HCN2: variants seen among roughly 807,000 people sequenced by gnomAD.
HCN2 encodes the protein hyperpolarization activated cyclic nucleotide gated potassium and sodium channel 2, also known as potassium/sodium hyperpolarization-activated cyclic nucleotide-gated channel 2.
HCN2 carries 20 observed loss-of-function variants against 52.3 expected under a neutral mutation model. That is an observed-to-expected ratio of 0.38 (90% CI 0.27 to 0.56). HCN2 has a LOEUF of 0.56. Ranked by LOEUF, HCN2 falls within the 20% of genes least tolerant of loss-of-function variation. The probability of loss-of-function intolerance (pLI) is 0.71; values close to 1 mark genes in which losing one functional copy is unlikely to be tolerated. For missense variants in HCN2, 981 were observed against 1,207.7 expected (o/e 0.81, Z 2.78); for synonymous variants, 694 against 537.0 (o/e 1.29, Z -4.04).
chr19:604,192 T>C lies in HCN2; in HGVS notation c.1056+225T>C, dbSNP rs1600526023. ...GGGATGGGGCTATGAGAGATCTGAG[T>C]GGGGTCAAGGCCCCAGGGATGGGGC... On this transcript the variant is annotated intron_variant, in intron 2 of 7. Coordinates refer to ENST00000251287, the MANE Select transcript of HCN2 (RefSeq NM_001194.4). 9.4e-5 allele frequency among the ~76,000 whole-genome samples: 2 copies of C among 21,248 alleles called. 1 individual carries two copies. Among genetic ancestry groups the C allele is most frequent in the Admixed American group, 1.5e-3 (2 of 1,298 alleles). 13.9% of individuals were successfully genotyped at this position (21,248 alleles called of 152,430 possible).
rs1331776955 is a variant in HCN2 at position 590,782 on chromosome 19, G to A, written c.632+205G>A. 1.9e-5 allele frequency: 6 copies of A among 312,424 alleles called. No homozygotes were observed. Among genetic ancestry groups the A allele is most frequent in the Non-Finnish European group, 2.3e-5 (4 of 173,206 alleles). 19.4% of individuals were successfully genotyped at this position (312,424 alleles called of 1,614,324 possible). On this transcript the variant is annotated intron_variant, in intron 1 of 7. Transcript: ENST00000251287. The surrounding 1 kb of genome is among the most constrained non-coding windows in gnomAD (Gnocchi z 7.2). ...CCGCCTCTGGGGGGGCTCCCCGGGT[G>A]ACCGCGGAGCGCCCCCCTCCCACGC...
rs987654819 is a variant in HCN2, at chr19:616,494, G to A, written c.*20G>A. ...TTGTGACCCTCGCCGACCGCCCCGC[G>A]GGCCCAGGCGGGCCGGGGGCGGGGC... On this transcript the variant is annotated 3_prime_UTR_variant, in exon 8 of 8. Transcript: ENST00000251287. The A allele has an allele frequency of 3.3e-6, 4 of 1,204,208 alleles. No individual in the cohort carries two copies. Among genetic ancestry groups the A allele is most frequent in the Non-Finnish European group, 4.1e-6 (4 of 966,820 alleles). The allele number at this position is 1,204,208 out of a possible 1,614,324, so 74.6% of individuals were successfully genotyped here.
Position 616,166 on chromosome 19 carries a change from C to G in HCN2, c.2362C>G (p.Arg788Gly), listed in dbSNP as rs1384533439. 2 of 972,306 alleles carry G rather than the reference C, an allele frequency of 2.1e-6. No homozygotes were observed. The highest frequency in any genetic ancestry group is 2.4e-6 in the Non-Finnish European group (2 of 820,800). The allele number at this position is 972,306 out of a possible 1,614,324, so 60.2% of individuals were successfully genotyped here. A position where few individuals can be genotyped will look rare whatever the true frequency, so the allele number is the denominator to read the frequency against. The change falls in exon 8 of 8, where the codon CGG (arginine) becomes GGG (glycine). Residue 788 changes from arginine to glycine, a missense_variant. Physicochemically the swap from Arg to Gly is moderately radical, Grantham distance 125 (BLOSUM62 -2). Transcript: ENST00000251287. ...ASPPGAPASP[R>G]APRTSPYGGL... ...CCCCCCGGGCGCGCCCGCCAGCCCC[C>G]GGGCACCGCGGACCTCGCCCTACGG...
chr19:601,594 G>T (rs560841953), intron 1 of HCN2, among the ~76,000 whole-genome samples: 1 of 151,002 alleles, frequency 6.6e-6, no homozygotes, highest in East Asian at 1.9e-4. Context: ...TCAAGCTGGT[G>T]TGAACACGGC....
chr19:606,158 G>A (rs1478132850), intron 3 of HCN2, among the ~76,000 whole-genome samples: 5 of 152,068 alleles, frequency 3.3e-5, no homozygotes, highest in African/African-American at 9.7e-5. Flanking sequence ...GGAGTGCAGT[G>A]GCACGATCTC....
chr19:595,320 G>A (rs550496975), intron 1 of HCN2, among the ~76,000 whole-genome samples: 55 of 140,126 alleles, frequency 3.9e-4, no homozygotes, highest in African/African-American at 1.4e-3. Flanking sequence ...CACCCTGTGC[G>A]CTGGCCGCCT....
chr19:615,694 G>T, intron 7 of HCN2, 101 bp from the exon 8 acceptor site: 1 of 1,115,630 alleles, frequency 9.0e-7, no homozygotes, highest in Non-Finnish European at 1.4e-6. Context: ...GCTCTACACG[G>T]CAAGCACTGT....
Position 615,899 on chromosome 19 carries a change from C to G in HCN2, c.2095C>G (p.Arg699Gly). 1.9e-6 allele frequency: 3 copies of G among 1,612,640 alleles called. No homozygotes were observed. The highest frequency in any genetic ancestry group is 2.5e-6 in the Non-Finnish European group (3 of 1,179,822). The change falls in exon 8 of 8, where the codon CGC (arginine) becomes GGC (glycine). Residue 699 changes from arginine to glycine, a missense_variant. Physicochemically the swap from Arg to Gly is moderately radical, Grantham distance 125. Around this residue, in one of 6 missense-constraint regions of HCN2, gnomAD observed 368 missense variants for 314.8 expected, o/e 1.17. Transcript: ENST00000251287. ...AIIQEIVKYDREMVQQAELGQ... is the reference protein window; with the variant it reads ...AIIQEIVKYDGEMVQQAELGQ... ...CATCCAGGAGATCGTCAAGTACGAC[C>G]GCGAGATGGTGCAGCAGGCCGAGCT...
At chr19:614,318 G>A (rs958765528) in intron 7 of HCN2, among the ~76,000 whole-genome samples, 3 of 152,190 alleles carry the variant, frequency 2.0e-5, no homozygotes, top group East Asian at 1.9e-4. Flanking sequence ...GAATGCACAG[G>A]GTGTTTGCGG....
chr19:611,791 C>T (rs1447973702), intron 5 of HCN2, among the ~76,000 whole-genome samples: 1 of 152,200 alleles, frequency 6.6e-6, no homozygotes, highest in Non-Finnish European at 1.5e-5. Context: ...TCCCCAGCCC[C>T]TGGCAACCCA....
chr19:616,435 C>A lies in HCN2; in HGVS notation c.2631C>A (p.Pro877=). The A allele has an allele frequency of 8.0e-7, 1 of 1,249,806 alleles. No homozygotes were observed. Among genetic ancestry groups the A allele is most frequent in the Non-Finnish European group, 1.0e-6 (1 of 994,214 alleles). 77.4% of individuals were successfully genotyped at this position (1,249,806 alleles called of 1,614,324 possible). ...ASPGAAGGLD[P]QDSARSRLSS... ...CCGGCGCCGCCGGCGGCCTGGACCCCCAGGACTCCGCGCGCTCGCGCCTCT... is the reference window on the plus strand; with the variant it reads ...CCGGCGCCGCCGGCGGCCTGGACCCACAGGACTCCGCGCGCTCGCGCCTCT... The change falls in exon 8 of 8, where the codon CCC becomes CCA. Residue 877 remains proline, a synonymous_variant. Coordinates refer to ENST00000251287, the MANE Select transcript of HCN2 (RefSeq NM_001194.4).
At chr19:613,692 CGGGGATGGGGCCGGGGAT>C (rs1983764267) in intron 6 of HCN2, among the ~76,000 whole-genome samples, 142 bp from the exon 7 acceptor site, 2 of 19,348 alleles carry the variant, frequency 1.0e-4, no homozygotes, top group African/African-American at 5.5e-4. Flanking sequence ...GGGATGGGGC[CGGGGATGGGGCCGGGGAT>C]GGGGCCGGGG....
At chr19:600,907 G>T (rs899560256) in intron 1 of HCN2, among the ~76,000 whole-genome samples, 1 of 151,962 alleles carries the variant, frequency 6.6e-6, no homozygotes, top group Non-Finnish European at 1.5e-5. Flanking sequence ...TCATTCCCCC[G>T]GACAGAAACC....
intron 1 of HCN2, among the ~76,000 whole-genome samples, chr19:598,259 T>G (rs1304254776): frequency 1.3e-5 from 2 of 152,178 alleles, no homozygotes; most frequent in Admixed American, 6.5e-5. Flanking sequence ...GTCATTTGAT[T>G]TCACCCTTCA....
intron 2 of HCN2, 78 bp from the exon 3 acceptor site, chr19:604,983 G>A: frequency 6.8e-7 from 1 of 1,467,358 alleles, no homozygotes; most frequent in Non-Finnish European, 9.2e-7. Context: ...TCCCGCAGTG[G>A]GGGCGCACGG....
intron 1 of HCN2, among the ~76,000 whole-genome samples, chr19:597,617 T>C (rs886663257): frequency 6.8e-6 from 1 of 146,600 alleles, no homozygotes; most frequent in Non-Finnish European, 1.5e-5. Flanking sequence ...TCCCCCTTGG[T>C]GGTTTCTAGG....
intron 1 of HCN2, among the ~76,000 whole-genome samples, chr19:598,765 A>T (rs1983113317): frequency 6.6e-6 from 1 of 152,138 alleles, no homozygotes; most frequent in African/African-American, 2.4e-5. Context: ...CCTCACACAA[A>T]AAAATAATAC....
chr19:594,951 A>T (rs1982980049), intron 1 of HCN2, among the ~76,000 whole-genome samples: 1 of 152,164 alleles, frequency 6.6e-6, no homozygotes, highest in Admixed American at 6.5e-5. Context: ...CTGTAATGCC[A>T]GTACTTTGGG....
intron 5 of HCN2, among the ~76,000 whole-genome samples, chr19:613,013 C>T (rs757955365): frequency 3.3e-5 from 5 of 152,230 alleles, no homozygotes; most frequent in African/African-American, 4.8e-5. Context: ...AGCCGCCCCT[C>T]CTGGTCCGAT....
Sources: allele counts gnomAD v4.1 joint callset (sites outside exome capture counted in the v4.1 genomes callset), GRCh38; gene constraint gnomAD v4.1.1; regional missense constraint gnomAD v4.1.1; non-coding constraint Gnocchi (gnomAD v3.1); transcripts MANE v1.5; gene names NCBI Gene and HGNC (gene_info 2026-07-23, HGNC 2026-07-21).